GABRB2: variants seen among roughly 807,000 people sequenced by gnomAD.
GABRB2 encodes the protein gamma-aminobutyric acid type A receptor subunit beta2, also known as gamma-aminobutyric acid receptor subunit beta-2.
GABRB2 carries 16 observed loss-of-function variants against 54.7 expected under a neutral mutation model. The observed-to-expected ratio is 0.29, with a 90% CI of 0.20 to 0.44. The LOEUF (loss-of-function observed/expected upper bound fraction) is 0.44, where lower values mean the gene tolerates loss of function less well. Ranked by LOEUF, GABRB2 falls within the 20% of genes least tolerant of loss-of-function variation. GABRB2 has a pLI of 1.00. For missense variants in GABRB2, 355 were observed against 644.0 expected (o/e 0.55, Z 4.86); for synonymous variants, 244 against 233.8 (o/e 1.04, Z -0.40).
rs893787013 is a variant in GABRB2 at position 161,368,555 on chromosome 5, G to T, written c.542-31786C>A. On this transcript the variant is annotated intron_variant, in intron 5 of 9. Coordinates refer to ENST00000393959, the MANE Select transcript of GABRB2 (RefSeq NM_001371727.1). ...AGATTTCTAGCTTCTCTTGGAAAAA[G>T]AAAATTAGACCTGATGGAAATAATC... Among the ~76,000 whole-genome samples, 16 of 152,254 alleles carry T rather than the reference G, an allele frequency of 1.1e-4. 1 individual carries two copies. The highest frequency in any genetic ancestry group is 5.2e-4 in the Admixed American group (8 of 15,278).
intron 3 of GABRB2, among the ~76,000 whole-genome samples, chr5:161,501,016 G>A (rs1759421419): frequency 6.6e-6 from 1 of 151,344 alleles, no homozygotes; most frequent in Non-Finnish European, 1.5e-5. Flanking sequence ...CCCAGAGTGT[G>A]ATGTTCCCCT....
chr5:161,540,245 C>T (rs1229403059), intron 3 of GABRB2, among the ~76,000 whole-genome samples: 1 of 152,212 alleles, frequency 6.6e-6, no homozygotes, highest in Non-Finnish European at 1.5e-5. Flanking sequence ...GTCACTTCAA[C>T]AATGTTCACA....
Position 161,377,580 on chromosome 5 carries a change from T to C in GABRB2, c.541+33395A>G, listed in dbSNP as rs868155179. On this transcript the variant is annotated intron_variant, in intron 5 of 9. Transcript: ENST00000393959. ...AAAGAAAACAAAACAAAGTTTCTAATGCCTGCTGAACAGAAATGATTAAGA... is the reference window on the plus strand; with the variant it reads ...AAAGAAAACAAAACAAAGTTTCTAACGCCTGCTGAACAGAAATGATTAAGA... Among the ~76,000 whole-genome samples, 46 of 152,282 alleles carry C rather than the reference T, an allele frequency of 3.0e-4. 1 individual carries two copies. In the South Asian group the frequency reaches 3.3e-3, roughly 11 times the overall value.
At chr5:161,513,257 G>A (rs1759835188) in intron 3 of GABRB2, among the ~76,000 whole-genome samples, 2 of 151,832 alleles carry the variant, frequency 1.3e-5, no homozygotes, top group Non-Finnish European at 2.9e-5. Flanking sequence ...ACTACCATTC[G>A]ACCCAGCAAT....
intron 5 of GABRB2, among the ~76,000 whole-genome samples, chr5:161,358,477 AT>A (rs556714879): frequency 1.8e-3 from 267 of 152,324 alleles, no homozygotes; most frequent in Non-Finnish European, 3.0e-3. Context: ...GGGAAAATTA[AT>A]TTTTTTGAAG....
At chr5:161,358,443 G>C (rs560005483) in intron 5 of GABRB2, among the ~76,000 whole-genome samples, 1 of 152,162 alleles carries the variant, frequency 6.6e-6, no homozygotes, top group Non-Finnish European at 1.5e-5. Flanking sequence ...GGAATAAGTG[G>C]CATGGTAGCT....
chr5:161,537,995 G>A (rs73303275), intron 3 of GABRB2, among the ~76,000 whole-genome samples: 6,643 of 151,628 alleles, frequency 0.044, 420 homozygotes, highest in African/African-American at 0.14. Context: ...CACCTGACTC[G>A]TTTCCATGTA....
intron 3 of GABRB2, among the ~76,000 whole-genome samples, chr5:161,495,569 T>G (rs1759214564): frequency 1.3e-5 from 2 of 152,022 alleles, no homozygotes; most frequent in South Asian, 4.1e-4. Flanking sequence ...CCCTGAGAAA[T>G]TAAATGTTAA....
chr5:161,343,054 A>T (rs1754218680), intron 5 of GABRB2, among the ~76,000 whole-genome samples: 1 of 152,038 alleles, frequency 6.6e-6, no homozygotes, highest in South Asian at 2.1e-4. Flanking sequence ...TGCCAATTAG[A>T]GTCACTGGGA....
At chr5:161,305,430 G>A (rs1757662579) in intron 9 of GABRB2, among the ~76,000 whole-genome samples, 1 of 152,194 alleles carries the variant, frequency 6.6e-6, no homozygotes, top group South Asian at 2.1e-4. Flanking sequence ...GCTTACATAA[G>A]CTCCAAATCC....
chr5:161,420,305 G>T (rs553522142), intron 4 of GABRB2, among the ~76,000 whole-genome samples: 1 of 152,154 alleles, frequency 6.6e-6, no homozygotes, highest in Non-Finnish European at 1.5e-5. Flanking sequence ...CCTCAGCTGG[G>T]TCTCTTTTCA....
intron 9 of GABRB2, among the ~76,000 whole-genome samples, chr5:161,306,721 A>C (rs1056237245): frequency 1.3e-5 from 2 of 152,018 alleles, no homozygotes; most frequent in African/African-American, 2.4e-5. Flanking sequence ...AATCTCATGG[A>C]TTACTGAATC....
At chr5:161,300,290 A>G (rs1327018385) in intron 9 of GABRB2, among the ~76,000 whole-genome samples, 1 of 152,202 alleles carries the variant, frequency 6.6e-6, no homozygotes. Context: ...TTCAATAGCA[A>G]TTATCATTCC....
intron 5 of GABRB2, among the ~76,000 whole-genome samples, chr5:161,399,933 T>C (rs765812823): frequency 2.0e-5 from 3 of 152,140 alleles, no homozygotes; most frequent in Non-Finnish European, 4.4e-5. Flanking sequence ...CTGATGGTGA[T>C]GGCGATAATG....
chr5:161,315,558 C>A (rs1758004459), intron 9 of GABRB2, among the ~76,000 whole-genome samples: 1 of 151,906 alleles, frequency 6.6e-6, no homozygotes, highest in Admixed American at 6.6e-5. Context: ...ATCTAATGTG[C>A]CTGACTGCTT....
intron 3 of GABRB2, among the ~76,000 whole-genome samples, chr5:161,472,176 T>A (rs1158088327): frequency 6.6e-6 from 1 of 151,888 alleles, no homozygotes; most frequent in Non-Finnish European, 1.5e-5. Flanking sequence ...TTATTATTAT[T>A]AATCTCATTA....
At chr5:161,321,204 T>C (rs1430910521) in intron 9 of GABRB2, among the ~76,000 whole-genome samples, 6 of 152,052 alleles carry the variant, frequency 3.9e-5, no homozygotes, top group Non-Finnish European at 8.8e-5. Flanking sequence ...ATTATTAATC[T>C]TTAACTTCTG....
intron 8 of GABRB2, among the ~76,000 whole-genome samples, chr5:161,327,854 A>T: frequency 6.8e-6 from 1 of 146,224 alleles, no homozygotes; most frequent in East Asian, 1.9e-4. Flanking sequence ...GATCTTGGAA[A>T]AAAAAAAATA....
intron 6 of GABRB2, among the ~76,000 whole-genome samples, chr5:161,336,051 C>T (rs1018813549): frequency 6.6e-6 from 1 of 152,056 alleles, no homozygotes; most frequent in Non-Finnish European, 1.5e-5. Context: ...AAAAATTTTG[C>T]TGATGAAATA....
Sources: gnomAD v4.1 joint callset for allele counts (sites outside exome capture counted in the v4.1 genomes callset) on GRCh38, gnomAD v4.1.1 for gene constraint, MANE v1.5 for transcripts, NCBI Gene and HGNC (gene_info 2026-07-23, HGNC 2026-07-21) for gene names.